The following TRAIP variants were observed in gnomAD, a reference collection of about 807,000 sequenced individuals.
The protein encoded by TRAIP is E3 ubiquitin-protein ligase TRAIP.
Under a neutral mutation model 65.0 loss-of-function variants are expected in TRAIP, and 37 were observed. The ratio of observed to expected loss-of-function variants is 0.57; its 90% CI spans 0.44 to 0.75. The LOEUF (loss-of-function observed/expected upper bound fraction) is 0.75, where lower values mean the gene tolerates loss of function less well. Ranked by LOEUF, TRAIP falls within the 30% of genes least tolerant of loss-of-function variation. The pLI is 0.00. For missense variants in TRAIP, 481 were observed against 579.4 expected (o/e 0.83, Z 1.74); for synonymous variants, 187 against 219.1 (o/e 0.85, Z 1.29).
chr3:49,834,063 C>T (rs1210515880), intron 10 of TRAIP, among the ~76,000 whole-genome samples: 1 of 152,296 alleles, frequency 6.6e-6, no homozygotes, highest in Admixed American at 6.5e-5. Flanking sequence ...CAGAACAGAG[C>T]TAAGGCCTTG....
chr3:49,851,874 T>TTTTAGTA (rs2081934640), intron 1 of TRAIP, among the ~76,000 whole-genome samples: 1 of 151,084 alleles, frequency 6.6e-6, no homozygotes, highest in Non-Finnish European at 1.5e-5. Context: ...TTTTTTTGTA[T>TTTTAGTA]TTTTAGTAAA....
intron 11 of TRAIP, among the ~76,000 whole-genome samples, chr3:49,830,690 TC>T (rs1377498482): frequency 1.3e-5 from 2 of 152,170 alleles, no homozygotes; most frequent in Admixed American, 6.5e-5. Flanking sequence ...TCCATCCAAT[TC>T]CTGGGGAACC....
chr3:49,832,491 G>GAAAAAAAA (rs113514685), intron 10 of TRAIP, among the ~76,000 whole-genome samples: 1 of 133,998 alleles, frequency 7.5e-6, no homozygotes, highest in African/African-American at 2.9e-5. Context: ...CTCCGTCTCA[G>GAAAAAAAA]GAAAAAAAAA....
At chr3:49,840,441 C>T in intron 8 of TRAIP, 68 bp from the exon 9 acceptor site, 1 of 1,334,924 alleles carries the variant, frequency 7.5e-7, no homozygotes, top group South Asian at 1.2e-5. Context: ...CCTCCTGCTG[C>T]TCCCCAGGGA....
intron 3 of TRAIP, among the ~76,000 whole-genome samples, chr3:49,847,291 G>A (rs2081891992): frequency 6.6e-6 from 1 of 151,666 alleles, no homozygotes; most frequent in South Asian, 2.1e-4. Flanking sequence ...CTGAGGTGGG[G>A]AGATCCCTTG....
rs1348794704 is a variant in TRAIP, at chr3:49,841,813, C to A, written c.617+13G>T. 6.2e-7 allele frequency: 1 copy of A among 1,607,904 alleles called. No individual in the cohort carries two copies. The highest frequency in any genetic ancestry group is 2.2e-5 in the East Asian group (1 of 44,818). On this transcript the variant is annotated intron_variant, in intron 7 of 14. Transcript: ENST00000331456. ...TATCTCCTGTGTTTGCTGAGAGGGG[C>A]CACAGTACGCACTTCTTGAGAGACA...
chr3:49,848,095 G>C (rs377603235), intron 2 of TRAIP, 48 bp downstream of exon 2: 1 of 1,600,918 alleles, frequency 6.2e-7, no homozygotes, highest in African/African-American at 1.3e-5. Context: ...CCTGCTCTCT[G>C]CTAAGGAGAT....
intron 1 of TRAIP, among the ~76,000 whole-genome samples, chr3:49,851,161 T>C (rs537933364): frequency 1.3e-5 from 2 of 151,958 alleles, no homozygotes; most frequent in South Asian, 4.2e-4. Context: ...GTGTTTTTAG[T>C]AGAGATTTCA....
At chr3:49,838,249 C>T (rs914253249) in intron 10 of TRAIP, among the ~76,000 whole-genome samples, 2 of 152,152 alleles carry the variant, frequency 1.3e-5, no homozygotes, top group Non-Finnish European at 2.9e-5. Flanking sequence ...ATGAGAAGCC[C>T]AGCCCAGCTT....
intron 1 of TRAIP, 56 bp downstream of exon 1, chr3:49,856,300 A>C: frequency 6.7e-7 from 1 of 1,492,096 alleles, no homozygotes; most frequent in Non-Finnish European, 9.3e-7. Flanking sequence ...CCAACACCTC[A>C]AGGCCCTGAA....
chr3:49,832,439 G>A lies in TRAIP; in HGVS notation c.885-371C>T, dbSNP rs1194878863. 9.5e-5 allele frequency among the ~76,000 whole-genome samples: 14 copies of A among 147,762 alleles called. No homozygotes were observed. The South Asian group carries it at 2.5e-3, about 27-fold the overall frequency. The stretch of plus-strand genomic sequence containing the variant: ...CGGGAGGCAGAGCTTGCGGTGAGCC[G>A]AGATCGCGCCACTGCACTCCAGCCT... On this transcript the variant is annotated intron_variant, in intron 10 of 14. Coordinates refer to ENST00000331456, the MANE Select transcript of TRAIP (RefSeq NM_005879.3).
At chr3:49,833,673 G>T (rs1003303835) in intron 10 of TRAIP, among the ~76,000 whole-genome samples, 1 of 152,082 alleles carries the variant, frequency 6.6e-6, no homozygotes, top group East Asian at 1.9e-4. Flanking sequence ...TAGAGATGGG[G>T]TTACACCGTG....
intron 3 of TRAIP, among the ~76,000 whole-genome samples, chr3:49,846,676 T>C (rs2081885655): frequency 6.6e-6 from 1 of 152,176 alleles, no homozygotes; most frequent in Non-Finnish European, 1.5e-5. Flanking sequence ...CCTTGAAAAC[T>C]GTACCAAGTC....
chr3:49,845,787 CT>C (rs1248159251), intron 3 of TRAIP, among the ~76,000 whole-genome samples: 2 of 152,186 alleles, frequency 1.3e-5, no homozygotes, highest in African/African-American at 4.8e-5. Flanking sequence ...ATGAAACTGC[CT>C]TTGTTGCCTT....
At chr3:49,851,535 C>T (rs957650733) in intron 1 of TRAIP, among the ~76,000 whole-genome samples, 3 of 152,022 alleles carry the variant, frequency 2.0e-5, no homozygotes, top group Non-Finnish European at 4.4e-5. Flanking sequence ...ACTGCAGGCA[C>T]AGGCCATCAT....
intron 8 of TRAIP, chr3:49,840,642 C>A: frequency 1.8e-6 from 1 of 559,462 alleles, no homozygotes; most frequent in East Asian, 2.9e-5. Flanking sequence ...TTCCAGGAGC[C>A]CTTCTACTCC....
chr3:49,829,336 A>G, intron 14 of TRAIP, 111 bp from the exon 15 acceptor site: 2 of 1,610,452 alleles, frequency 1.2e-6, no homozygotes, highest in Non-Finnish European at 1.7e-6. Flanking sequence ...CGGCGCTGAT[A>G]CACAGAATGA....
At position 49,848,068 on chromosome 3, in the gene TRAIP, A is replaced by G. The variant is rs557199590; in HGVS notation, c.156+75T>C. ...AAAAGGTCAGAGATATTGCAGTTTC[A>G]GAGCTCTTTTCACATTCCTGCTCTC... On this transcript the variant is annotated intron_variant, in intron 2 of 14. Coordinates refer to ENST00000331456, the MANE Select transcript of TRAIP (RefSeq NM_005879.3). 3.3e-5 allele frequency: 51 copies of G among 1,550,090 alleles called. No individual in the cohort carries two copies. The Admixed American group carries it at 3.9e-4, about 12-fold the overall frequency.
At chr3:49,833,816 A>G (rs572084513) in intron 10 of TRAIP, among the ~76,000 whole-genome samples, 7 of 152,114 alleles carry the variant, frequency 4.6e-5, no homozygotes, top group Non-Finnish European at 7.4e-5. Flanking sequence ...TTCCTTCATG[A>G]GCTTGAAGCC....
Sources: gnomAD v4.1 joint callset for allele counts (sites outside exome capture counted in the v4.1 genomes callset) on GRCh38, gnomAD v4.1.1 for gene constraint, MANE v1.5 for transcripts, NCBI Gene and HGNC (gene_info 2026-07-23, HGNC 2026-07-21) for gene names.